ARHGAP22: variants seen among roughly 807,000 people sequenced by gnomAD.
ARHGAP22 encodes the protein Rho GTPase activating protein 22, also known as rho GTPase-activating protein 22.
ARHGAP22 carries 48 observed loss-of-function variants against 59.1 expected under a neutral mutation model. The ratio of observed to expected loss-of-function variants is 0.81; its 90% CI spans 0.64 to 1.03. ARHGAP22 has a LOEUF of 1.03. Ranked by LOEUF, ARHGAP22 falls within the 50% of genes least tolerant of loss-of-function variation. ARHGAP22 has a pLI of 0.00. For missense variants in ARHGAP22, 1,015 were observed against 958.7 expected, an observed-to-expected ratio of 1.06 and a Z score of -0.78; for synonymous variants, 445 against 416.4, an observed-to-expected ratio of 1.07 and a Z score of -0.84.
intron 3 of ARHGAP22, among the ~76,000 whole-genome samples, chr10:48,485,189 C>A (rs985174041): frequency 6.6e-6 from 1 of 151,272 alleles, no homozygotes; most frequent in Non-Finnish European, 1.5e-5. Context: ...ATTTTTTTTT[C>A]TTCTGCTTAC....
chr10:48,586,989 C>G (rs965792338), intron 1 of ARHGAP22, among the ~76,000 whole-genome samples: 2 of 152,146 alleles, frequency 1.3e-5, no homozygotes, highest in African/African-American at 4.8e-5. Flanking sequence ...TATTTCCAGA[C>G]ACCTGTAGCA....
At chr10:48,562,286 C>A (rs1438243380) in intron 2 of ARHGAP22, among the ~76,000 whole-genome samples, 4 of 42,086 alleles carry the variant, frequency 9.5e-5, no homozygotes, top group Admixed American at 3.3e-4. Flanking sequence ...CCATTCCGCT[C>A]CTACATATAC....
upstream of ARHGAP22, among the ~76,000 whole-genome samples, chr10:48,607,964 C>T (rs2060738873): frequency 6.6e-6 from 1 of 152,234 alleles, no homozygotes; most frequent in African/African-American, 2.4e-5. Flanking sequence ...AGCCAGGATA[C>T]CTTCAAAACA....
At position 48,479,668 on chromosome 10, in the gene ARHGAP22, A is replaced by T. The variant is rs770541350; in HGVS notation, c.419T>A (p.Ile140Asn). The T allele has an allele frequency of 1.2e-6, 2 of 1,613,304 alleles. No individual in the cohort carries two copies. Among genetic ancestry groups the T allele is most frequent in the South Asian group, 2.2e-5 (2 of 90,984 alleles). ...QRDMEDWVQAIRRVIWAPLGG... is the reference protein window; with the variant it reads ...QRDMEDWVQANRRVIWAPLGG... ...CAGCGGGGCCCAGATGACTCGGCGG[A>T]TGGCCTGCACCCAGTCCTCCATGTC... The change falls in exon 4 of 10, where the codon ATC becomes AAC. Residue 140 changes from isoleucine to asparagine, a missense_variant. Physicochemically the swap from Ile to Asn is moderately radical, Grantham distance 149. Transcript: ENST00000249601.
chr10:48,649,632 C>T (rs2062467211), intron 1 of ARHGAP22, among the ~76,000 whole-genome samples: 1 of 152,160 alleles, frequency 6.6e-6, no homozygotes, highest in South Asian at 2.1e-4. Context: ...GACCAGTGGT[C>T]TGAAGTTTGG....
chr10:48,584,619 G>T (rs1277403907), intron 1 of ARHGAP22, among the ~76,000 whole-genome samples: 1 of 152,240 alleles, frequency 6.6e-6, no homozygotes, highest in Non-Finnish European at 1.5e-5. Flanking sequence ...ACAGACGTAA[G>T]TCATGGTGGT....
At chr10:48,453,550 G>T (rs777863544) in intron 7 of ARHGAP22, 125 bp from the exon 8 acceptor site, 1 of 1,405,430 alleles carries the variant, frequency 7.1e-7, no homozygotes, top group Non-Finnish European at 9.8e-7. Flanking sequence ...TGCCCACTGG[G>T]TGTAGCCTGC....
intron 2 of ARHGAP22, among the ~76,000 whole-genome samples, chr10:48,562,308 G>A (rs999948941): frequency 6.6e-6 from 1 of 151,474 alleles, no homozygotes; most frequent in Non-Finnish European, 1.5e-5. Flanking sequence ...CAAGAGAAAT[G>A]GAAGCATATT....
intron 1 of ARHGAP22, among the ~76,000 whole-genome samples, chr10:48,618,883 T>C (rs937872082): frequency 1.3e-5 from 2 of 152,062 alleles, no homozygotes; most frequent in African/African-American, 2.4e-5. Flanking sequence ...GTAAAGAACA[T>C]CCAGGTTGCA....
At chr10:48,468,606 G>A (rs1229191939) in intron 4 of ARHGAP22, among the ~76,000 whole-genome samples, 1 of 152,226 alleles carries the variant, frequency 6.6e-6, no homozygotes, top group Non-Finnish European at 1.5e-5. Flanking sequence ...ATCACGTTGT[G>A]TTGTTTTAAG....
At position 48,533,178 on chromosome 10, in the gene ARHGAP22, G is replaced by GTT. The variant is rs762223101; in HGVS notation, c.322+22283_322+22284dup. On this transcript the variant is annotated intron_variant, in intron 3 of 9. Coordinates refer to ENST00000249601, the MANE Select transcript of ARHGAP22 (RefSeq NM_021226.4). ...ATTCATTTTGCAGACTCATTGTTCT[G>GTT]TTGTTTTTTTTTTTTTTTTTAACTA... Among the ~76,000 whole-genome samples, 42 of 135,866 alleles carry GTT rather than the reference G, an allele frequency of 3.1e-4. 4 individuals are homozygous for GTT. Among genetic ancestry groups the GTT allele is most frequent in the South Asian group, 1.2e-3 (5 of 4,196 alleles). 89.1% of individuals were successfully genotyped at this position (135,866 alleles called of 152,430 possible). A position where few individuals can be genotyped will look rare whatever the true frequency, so the allele number is the denominator to read the frequency against.
intron 3 of ARHGAP22, among the ~76,000 whole-genome samples, chr10:48,521,111 T>G (rs1258142329): frequency 6.6e-6 from 1 of 152,186 alleles, no homozygotes; most frequent in Non-Finnish European, 1.5e-5. Context: ...AGGCTTATCC[T>G]CTACAAATCA....
In ARHGAP22 at chr10:48,596,686, G is replaced by C. The variant is rs576387663; in HGVS notation, c.34+8077C>G. Among the ~76,000 whole-genome samples, 10 of 152,320 alleles carry C rather than the reference G, an allele frequency of 6.6e-5. No individual in the cohort carries two copies. The South Asian group carries it at 2.1e-3, about 32-fold the overall frequency. On this transcript the variant is annotated intron_variant, in intron 1 of 9. Coordinates refer to ENST00000249601, the MANE Select transcript of ARHGAP22 (RefSeq NM_021226.4). ...CCAGACTAATGAAAACCCACCCTCTGAGAAAAAGCAGCCTGTTGGACCTCT... is the reference window on the plus strand; with the variant it reads ...CCAGACTAATGAAAACCCACCCTCTCAGAAAAAGCAGCCTGTTGGACCTCT...
rs1417146103 is a variant in ARHGAP22, at chr10:48,446,233, G to C, written c.*158C>G. ...TCTGATCCCACCTGGAGTGTGTGGGGTCCCAAAAGTCCCCACAGTCCCCAC... is the reference window on the plus strand; with the variant it reads ...TCTGATCCCACCTGGAGTGTGTGGGCTCCCAAAAGTCCCCACAGTCCCCAC... On this transcript the variant is annotated 3_prime_UTR_variant, in exon 10 of 10. Transcript: ENST00000249601. 2 of 718,050 alleles carry C rather than the reference G, an allele frequency of 2.8e-6. No homozygotes were observed. The highest frequency in any genetic ancestry group is 3.6e-5 in the African/African-American group (2 of 55,530). The allele number at this position is 718,050 out of a possible 1,614,324, so 44.5% of individuals were successfully genotyped here.
intron 1 of ARHGAP22, among the ~76,000 whole-genome samples, chr10:48,650,955 G>T (rs550587342): frequency 6.6e-6 from 1 of 152,114 alleles, no homozygotes; most frequent in African/African-American, 2.4e-5. Flanking sequence ...AGCCCACTCC[G>T]TTCTTCATGA....
At chr10:48,494,228 G>A (rs1456227365) in intron 3 of ARHGAP22, among the ~76,000 whole-genome samples, 2 of 152,202 alleles carry the variant, frequency 1.3e-5, no homozygotes, top group Non-Finnish European at 2.9e-5. Flanking sequence ...GGGTCACCAC[G>A]CTGGGAAATG....
At chr10:48,613,458 CA>C (rs548330486) in intron 1 of ARHGAP22, among the ~76,000 whole-genome samples, 96 of 152,172 alleles carry the variant, frequency 6.3e-4, no homozygotes, top group African/African-American at 2.3e-3. Flanking sequence ...ATTTCTGGAC[CA>C]TTATTGGAAC....
intron 1 of ARHGAP22, among the ~76,000 whole-genome samples, chr10:48,638,841 G>T (rs74130602): frequency 1.3e-5 from 2 of 151,896 alleles, no homozygotes; most frequent in Non-Finnish European, 2.9e-5. Context: ...ATAAGAAAGC[G>T]GATATGGGAA....
intron 3 of ARHGAP22, among the ~76,000 whole-genome samples, chr10:48,528,828 G>C (rs1025923434): frequency 1.3e-4 from 20 of 151,920 alleles, no homozygotes; most frequent in Non-Finnish European, 2.4e-4. Flanking sequence ...CTCTCTCTCT[G>C]TCTGTTACTT....
Sources: gnomAD v4.1 joint callset for allele counts (sites outside exome capture counted in the v4.1 genomes callset) on GRCh38, gnomAD v4.1.1 for gene constraint, MANE v1.5 for transcripts, NCBI Gene and HGNC (gene_info 2026-07-23, HGNC 2026-07-21) for gene names.